Variants in EFNB2 observed in about 807,000 individuals in gnomAD.
EFNB2 encodes the protein ephrin B2.
A neutral mutation model predicts 32.1 loss-of-function variants in EFNB2; 5 were observed. The ratio of observed to expected loss-of-function variants is 0.16; its 90% CI spans 0.08 to 0.33. The LOEUF (loss-of-function observed/expected upper bound fraction) is 0.33. Ranked by LOEUF, EFNB2 falls within the 10% of genes least tolerant of loss-of-function variation. The pLI is 1.00. For missense variants in EFNB2, 263 were observed against 422.6 expected, an observed-to-expected ratio of 0.62 and a Z score of 3.31; for synonymous variants, 168 against 166.5, an observed-to-expected ratio of 1.01 and a Z score of -0.07.
At chr13:106,519,004 G>A (rs938397864) in intron 1 of EFNB2, 3 of 152,134 alleles carry the variant, frequency 2.0e-5, no homozygotes, top group Non-Finnish European at 4.4e-5. Flanking sequence ...ACAGGTCCAC[G>A]GAAGGAAACC....
Position 106,535,551 on chromosome 13 carries a change from C to G in EFNB2, c.-587G>C, listed in dbSNP as rs1314849747. The stretch of plus-strand genomic sequence containing the variant: ...AGGAAAGAGGGAGCTCGGTCCCCGC[C>G]GCGGGCTCCGGACGCGCGCGGGCCT... On this transcript the variant is annotated 5_prime_UTR_variant, in exon 1 of 5. Transcript: ENST00000646441. 2.0e-5 allele frequency: 3 copies of G among 149,970 alleles called. No individual in the cohort carries two copies. Among genetic ancestry groups the G allele is most frequent in the Admixed American group, 2.0e-4 (3 of 15,130 alleles). The allele number at this position is 149,970 out of a possible 1,614,324, so 9.3% of individuals were successfully genotyped here.
At position 106,535,654 on chromosome 13, in the gene EFNB2, A is replaced by T. The variant is rs1379473294; in HGVS notation, c.-690T>A. 1.3e-5 allele frequency: 2 copies of T among 150,182 alleles called. No individual in the cohort carries two copies. Among genetic ancestry groups the T allele is most frequent in the Non-Finnish European group, 1.5e-5 (1 of 67,392 alleles). The allele number at this position is 150,182 out of a possible 1,614,324, so 9.3% of individuals were successfully genotyped here. A position where few individuals can be genotyped will look rare whatever the true frequency, so the allele number is the denominator to read the frequency against. On this transcript the variant is annotated 5_prime_UTR_variant, in exon 1 of 5. Coordinates refer to ENST00000646441, the MANE Select transcript of EFNB2 (RefSeq NM_004093.4). Reference sequence around the variant, plus strand: ...GCCGGCGCCGCGGTCCCCGCCGAGGAGAGTCAGCGCGGCCGCCGCGCTGTC... The same window carrying T: ...GCCGGCGCCGCGGTCCCCGCCGAGGTGAGTCAGCGCGGCCGCCGCGCTGTC...
At chr13:106,509,490 G>T (rs1213253891) in intron 2 of EFNB2, among the ~76,000 whole-genome samples, 1 of 152,078 alleles carries the variant, frequency 6.6e-6, no homozygotes, top group Non-Finnish European at 1.5e-5. Flanking sequence ...GTGAACCAAC[G>T]ATTTGAAGTG....
In EFNB2 at chr13:106,535,344, G is replaced by C. The variant is rs1207678094; in HGVS notation, c.-380C>G. The stretch of plus-strand genomic sequence containing the variant: ...ACCCGGAGCGGAGACGACCGGCGCG[G>C]GCGGCGGGCGCTGCGCCCCGAGCGG... On this transcript the variant is annotated 5_prime_UTR_variant, in exon 1 of 5. Transcript: ENST00000646441. 1.3e-5 allele frequency: 2 copies of C among 151,032 alleles called. No individual in the cohort carries two copies. Among genetic ancestry groups the C allele is most frequent in the East Asian group, 3.9e-4 (2 of 5,088 alleles). 9.4% of individuals were successfully genotyped at this position (151,032 alleles called of 1,614,324 possible). A position where few individuals can be genotyped will look rare whatever the true frequency, so the allele number is the denominator to read the frequency against.
At chr13:106,499,896 T>C (rs1381286564) in intron 2 of EFNB2, among the ~76,000 whole-genome samples, 1 of 152,202 alleles carries the variant, frequency 6.6e-6, no homozygotes, top group Non-Finnish European at 1.5e-5. Flanking sequence ...CAGGGCCTAA[T>C]TTCCAGTGGG....
At chr13:106,509,661 G>A (rs1428118716) in intron 2 of EFNB2, among the ~76,000 whole-genome samples, 6 of 151,724 alleles carry the variant, frequency 4.0e-5, no homozygotes, top group Non-Finnish European at 7.4e-5. Flanking sequence ...GTGTGTGTGT[G>A]TGTGTGTGTG....
chr13:106,502,813 G>A (rs1219061663), intron 2 of EFNB2, among the ~76,000 whole-genome samples: 4 of 150,662 alleles, frequency 2.7e-5, no homozygotes, highest in Non-Finnish European at 5.9e-5. Flanking sequence ...AAAGCTACTG[G>A]CTACAGACAC....
Position 106,512,083 on chromosome 13 carries a change from C to T in EFNB2, c.406+446G>A, listed in dbSNP as rs559644399. 1.5e-4 allele frequency among the ~76,000 whole-genome samples: 23 copies of T among 152,098 alleles called. 1 individual carries two copies. The South Asian group carries it at 4.6e-3, about 30-fold the overall frequency. The stretch of plus-strand genomic sequence containing the variant: ...TCTTGAGGAAAACATGCTATTTTAC[C>T]ACCTTTCACTGCTGAATCCCTAGCC... On this transcript the variant is annotated intron_variant, in intron 2 of 4. Coordinates refer to ENST00000646441, the MANE Select transcript of EFNB2 (RefSeq NM_004093.4).
At chr13:106,526,579 T>C (rs1315954227) in intron 1 of EFNB2, among the ~76,000 whole-genome samples, 1 of 141,164 alleles carries the variant, frequency 7.1e-6, no homozygotes, top group South Asian at 2.3e-4. Context: ...CATTTTCCCA[T>C]AGCAAGGGGG....
chr13:106,522,418 G>A (rs1372787760), intron 1 of EFNB2, among the ~76,000 whole-genome samples: 1 of 152,158 alleles, frequency 6.6e-6, no homozygotes, highest in African/African-American at 2.4e-5. Flanking sequence ...GGTTTACATA[G>A]AGAAAGAAAT....
At chr13:106,533,146 A>G (rs1336245081) in intron 1 of EFNB2, among the ~76,000 whole-genome samples, 11 of 150,286 alleles carry the variant, frequency 7.3e-5, no homozygotes, top group Non-Finnish European at 1.6e-4. Context: ...GTGAAAGTGC[A>G]GAGTGGCTGG....
At chr13:106,496,187 A>G (rs576014752) in intron 2 of EFNB2, among the ~76,000 whole-genome samples, 17 of 152,288 alleles carry the variant, frequency 1.1e-4, no homozygotes, top group Non-Finnish European at 1.9e-4. Context: ...CAAACTCAGA[A>G]GAGCAAAATA....
rs1880028209 is a variant in EFNB2, at chr13:106,535,133, G to T, written c.-169C>A. 3 of 628,726 alleles carry T rather than the reference G, an allele frequency of 4.8e-6. No homozygotes were observed. Among genetic ancestry groups the T allele is most frequent in the South Asian group, 5.2e-5 (1 of 19,150 alleles). 38.9% of individuals were successfully genotyped at this position (628,726 alleles called of 1,614,324 possible). A position where few individuals can be genotyped will look rare whatever the true frequency, so the allele number is the denominator to read the frequency against. On this transcript the variant is annotated 5_prime_UTR_variant, in exon 1 of 5. Transcript: ENST00000646441. The stretch of plus-strand genomic sequence containing the variant: ...AGCGGTCGCCGGGCCAGGTGCGCTC[G>T]CTCTCCGGGGCCCTCAGGGCGCGGG...
Position 106,535,659 on chromosome 13 carries a change from C to T in EFNB2, c.-695G>A, listed in dbSNP as rs1468201197. On this transcript the variant is annotated 5_prime_UTR_variant, in exon 1 of 5. Transcript: ENST00000646441. Reference sequence around the variant, plus strand: ...CGCCGCGGTCCCCGCCGAGGAGAGTCAGCGCGGCCGCCGCGCTGTCAGAGC... The same window carrying T: ...CGCCGCGGTCCCCGCCGAGGAGAGTTAGCGCGGCCGCCGCGCTGTCAGAGC... 3 of 150,720 alleles carry T rather than the reference C, an allele frequency of 2.0e-5. No individual in the cohort carries two copies. The highest frequency in any genetic ancestry group is 4.4e-5 in the Non-Finnish European group (3 of 67,548). 9.3% of individuals were successfully genotyped at this position (150,720 alleles called of 1,614,324 possible).
chr13:106,489,802 AT>A lies in EFNB2; in HGVS notation c.*3237del, dbSNP rs1313014796. ...TAAGAACAAATTCAGTTTGAAACAG[AT>A]GTGGAATGTGACTTCACGGATTTCA... On this transcript the variant is annotated 3_prime_UTR_variant, in exon 5 of 5. Transcript: ENST00000646441. 6.6e-6 allele frequency: 1 copy of A among 152,654 alleles called. No individual in the cohort carries two copies. 9.5% of individuals were successfully genotyped at this position (152,654 alleles called of 1,614,324 possible).
intron 1 of EFNB2, 129 bp downstream of exon 1, chr13:106,534,714 G>C: frequency 2.8e-6 from 3 of 1,088,714 alleles, no homozygotes; most frequent in East Asian, 2.8e-5. Context: ...GCGGGGGTTG[G>C]GGGTGGGGGA....
intron 2 of EFNB2, among the ~76,000 whole-genome samples, chr13:106,496,249 TC>T (rs1375831109): frequency 1.3e-5 from 2 of 152,186 alleles, no homozygotes; most frequent in East Asian, 1.9e-4. Context: ...ACCTGCTTCC[TC>T]CACTGCAGAT....
At chr13:106,534,547 G>C (rs1340687748) in intron 1 of EFNB2, among the ~76,000 whole-genome samples, 1 of 152,246 alleles carries the variant, frequency 6.6e-6, no homozygotes, top group East Asian at 1.9e-4. Flanking sequence ...GAGAGGGTCA[G>C]GTATCGCCAT....
chr13:106,529,268 T>C (rs538718965), intron 1 of EFNB2, among the ~76,000 whole-genome samples: 1 of 152,152 alleles, frequency 6.6e-6, no homozygotes. Context: ...CTTCCCAGCA[T>C]GTCCCTGCCT....
Sources: gnomAD v4.1 joint callset for allele counts (sites outside exome capture counted in the v4.1 genomes callset) on GRCh38, gnomAD v4.1.1 for gene constraint, MANE v1.5 for transcripts, NCBI Gene and HGNC (gene_info 2026-07-23, HGNC 2026-07-21) for gene names.